Variants in MRPS5 observed in about 807,000 individuals in gnomAD.
The protein encoded by MRPS5 is mitochondrial ribosomal protein S5, also known as small ribosomal subunit protein uS5m.
A neutral mutation model predicts 51.9 loss-of-function variants in MRPS5; 27 were observed. The observed-to-expected ratio is 0.52, with a 90% CI of 0.38 to 0.72. MRPS5 has a LOEUF of 0.72. Ranked by LOEUF, MRPS5 falls within the 30% of genes least tolerant of loss-of-function variation. The pLI is 0.00. For synonymous variants in MRPS5, 196 were observed against 193.2 expected (o/e 1.01, Z -0.12); for missense variants, 570 against 545.7 (o/e 1.04, Z -0.44).
chr2:95,119,611 CG>C (rs1451128083), intron 1 of MRPS5, among the ~76,000 whole-genome samples: 7 of 136,572 alleles, frequency 5.1e-5, no homozygotes, highest in Non-Finnish European at 1.1e-4. Flanking sequence ...GACCCTGTCT[CG>C]AAAAAAAAAA....
At chr2:95,103,905 A>G (rs1261791973) in intron 7 of MRPS5, 17 of 152,216 alleles carry the variant, frequency 1.1e-4, no homozygotes, top group Admixed American at 9.8e-4. Flanking sequence ...TAGGAAAATT[A>G]CAAAAGTAGC....
At chr2:95,110,100 T>C in intron 3 of MRPS5, 59 bp from the exon 4 acceptor site, 2 of 1,577,746 alleles carry the variant, frequency 1.3e-6, no homozygotes, top group Non-Finnish European at 1.7e-6. Context: ...TGGTCTATGA[T>C]CTCCTATTGA....
chr2:95,117,827 A>G (rs766434070), intron 2 of MRPS5, 38 bp downstream of exon 2: 1 of 1,487,968 alleles, frequency 6.7e-7, no homozygotes, highest in Admixed American at 2.1e-5. Flanking sequence ...TTGACATTAG[A>G]TCTTATGAGA....
chr2:95,087,714 G>A (rs1249246875), intron 11 of MRPS5, 133 bp from the exon 12 acceptor site: 3 of 729,026 alleles, frequency 4.1e-6, no homozygotes, highest in East Asian at 5.4e-5. Flanking sequence ...GGGTTAATGT[G>A]TTTTGTGGCT....
chr2:95,117,389 G>A (rs1676314719), intron 2 of MRPS5, among the ~76,000 whole-genome samples: 1 of 151,512 alleles, frequency 6.6e-6, no homozygotes, highest in South Asian at 2.1e-4. Flanking sequence ...AAAAGAAAAT[G>A]TAATGATAGA....
intron 3 of MRPS5, among the ~76,000 whole-genome samples, chr2:95,112,397 A>G (rs1676148107): frequency 6.6e-6 from 1 of 152,126 alleles, no homozygotes. Flanking sequence ...ACACATACAT[A>G]TACATAAATC....
chr2:95,100,584 A>G, intron 9 of MRPS5, 48 bp from the exon 10 acceptor site: 2 of 1,414,338 alleles, frequency 1.4e-6, no homozygotes, highest in Non-Finnish European at 2.0e-6. Flanking sequence ...TGTGGCTTTA[A>G]TAAGCCTTTG....
chr2:95,114,953 C>G, intron 3 of MRPS5, 113 bp downstream of exon 3: 2 of 939,826 alleles, frequency 2.1e-6, no homozygotes, highest in Non-Finnish European at 3.0e-6. Context: ...TTTAACAGTA[C>G]ATTGTAAACT....
chr2:95,115,722 C>T (rs190453050), intron 2 of MRPS5, among the ~76,000 whole-genome samples: 7 of 152,290 alleles, frequency 4.6e-5, no homozygotes, highest in Non-Finnish European at 7.3e-5. Flanking sequence ...AGATGAGTTA[C>T]TCAACTGCAC....
chr2:95,106,382 T>G, intron 6 of MRPS5, 41 bp downstream of exon 6: 1 of 553,676 alleles, frequency 1.8e-6, no homozygotes, highest in Non-Finnish European at 3.3e-6. Context: ...CACCCCAACC[T>G]CTCCAAAGGC....
At chr2:95,119,869 C>G (rs1180228413) in intron 1 of MRPS5, among the ~76,000 whole-genome samples, 1 of 152,126 alleles carries the variant, frequency 6.6e-6, no homozygotes, top group African/African-American at 2.4e-5. Flanking sequence ...TAGAGACCAG[C>G]CTCGGCAACA....
chr2:95,096,155 T>C (rs1266878541), intron 10 of MRPS5, among the ~76,000 whole-genome samples: 4 of 152,170 alleles, frequency 2.6e-5, no homozygotes, highest in East Asian at 1.9e-4. Flanking sequence ...AATCGCTGAA[T>C]AGACCAACAA....
intron 7 of MRPS5, among the ~76,000 whole-genome samples, chr2:95,102,188 G>A (rs934653497): frequency 6.6e-6 from 1 of 150,996 alleles, no homozygotes; most frequent in African/African-American, 2.4e-5. Context: ...AACAAAGCAC[G>A]AGGCTACAGA....
intron 1 of MRPS5, among the ~76,000 whole-genome samples, chr2:95,118,944 C>T (rs1305718066): frequency 3.9e-5 from 6 of 152,038 alleles, no homozygotes; most frequent in Non-Finnish European, 7.4e-5. Flanking sequence ...TTTGCAATGG[C>T]TTCTTAGATG....
At chr2:95,106,347 C>A in intron 6 of MRPS5, 76 bp downstream of exon 6, 1 of 1,138,334 alleles carries the variant, frequency 8.8e-7, no homozygotes, top group South Asian at 1.2e-5. Context: ...CCTTACAGTT[C>A]CTCTTGCCCT....
In MRPS5 at chr2:95,090,407, G is replaced by C. The variant is rs192534353; in HGVS notation, c.1047C>G (p.Leu349=). ...TTACCTGTCTGGAGAGCCCACGGAA[G>C]AGGCCCTGGGTGAGGCTGAGCATAT... ...SINMLSLTQG[L]FRGLSRQETH... The change falls in exon 11 of 12, where the codon CTC becomes CTG. Residue 349 remains leucine, a synonymous_variant. Coordinates refer to ENST00000272418, the MANE Select transcript of MRPS5 (RefSeq NM_031902.5). 6.6e-5 allele frequency: 107 copies of C among 1,613,858 alleles called. No individual in the cohort carries two copies. The East Asian group carries it at 2.2e-3, about 33-fold the overall frequency.
At chr2:95,098,339 G>T (rs1243376329) in intron 10 of MRPS5, among the ~76,000 whole-genome samples, 2 of 151,996 alleles carry the variant, frequency 1.3e-5, no homozygotes, top group African/African-American at 4.8e-5. Flanking sequence ...CCCATTACTG[G>T]GTATATACCC....
At chr2:95,121,117 AAAAAAC>A (rs200145683) in intron 1 of MRPS5, among the ~76,000 whole-genome samples, 3,345 of 152,280 alleles carry the variant, frequency 0.022, 66 homozygotes, top group Middle Eastern at 0.085. Flanking sequence ...GACTGTCTCA[AAAAAAC>A]AAAAACAAAA....
chr2:95,121,677 C>A, intron 1 of MRPS5, 57 bp downstream of exon 1: 1 of 1,504,420 alleles, frequency 6.6e-7, no homozygotes, highest in Non-Finnish European at 8.9e-7. Context: ...AGGCCCCAGG[C>A]GAGCCCCCCA....
Sources: gnomAD v4.1 joint callset for allele counts (sites outside exome capture counted in the v4.1 genomes callset) on GRCh38, gnomAD v4.1.1 for gene constraint, MANE v1.5 for transcripts, NCBI Gene and HGNC (gene_info 2026-07-23, HGNC 2026-07-21) for gene names.